Variants in FGF14 observed in about 807,000 individuals in gnomAD.
FGF14 encodes the protein fibroblast growth factor 14, also known as fibroblast growth factor homologous factor 4.
Under a neutral mutation model 25.5 loss-of-function variants are expected in FGF14, and 5 were observed. The ratio of observed to expected loss-of-function variants is 0.20; its 90% CI spans 0.10 to 0.41. FGF14 has a LOEUF of 0.41. Ranked by LOEUF, FGF14 falls within the 10% of genes least tolerant of loss-of-function variation. FGF14 has a pLI of 1.00. For missense variants in FGF14, 222 were observed against 320.1 expected, an observed-to-expected ratio of 0.69 and a Z score of 2.34; for synonymous variants, 138 against 118.3, an observed-to-expected ratio of 1.17 and a Z score of -1.08.
At position 102,058,011 on chromosome 13, in the gene FGF14, C is replaced by T. The variant is rs534038384; in HGVS notation, c.209-182715G>A. ...TTGTGTCTCAACCACCAGCTCAGAA[C>T]ATGTAATTTGCTAAGAACATGTTCA... On this transcript the variant is annotated intron_variant, in intron 1 of 4. Coordinates refer to the FGF14 transcript ENST00000376131. Among the ~76,000 whole-genome samples the T allele has an allele frequency of 2.6e-5, 4 of 152,294 alleles. No individual in the cohort carries two copies. In the South Asian group the frequency reaches 6.2e-4, roughly 24 times the overall value.
intron 1 of FGF14, among the ~76,000 whole-genome samples, chr13:102,081,658 T>C (rs762673502): frequency 5.3e-5 from 8 of 152,200 alleles, no homozygotes; most frequent in African/African-American, 1.7e-4. Context: ...GAGTTTAAGA[T>C]TGTCATTAGT....
chr13:102,293,752 G>C (rs1364262040), intron 1 of FGF14: 1 of 152,124 alleles, frequency 6.6e-6, no homozygotes, highest in African/African-American at 2.4e-5. Context: ...CTTTTGTTTT[G>C]ATTCTTGTTG....
At chr13:102,143,869 A>G (rs537371576) in intron 1 of FGF14, among the ~76,000 whole-genome samples, 1 of 152,260 alleles carries the variant, frequency 6.6e-6, no homozygotes, top group East Asian at 1.9e-4. Context: ...TCACACCTTG[A>G]GCATTTGAGT....
chr13:101,981,366 C>T (rs950768931), intron 1 of FGF14, among the ~76,000 whole-genome samples: 6 of 152,148 alleles, frequency 3.9e-5, no homozygotes, highest in African/African-American at 1.4e-4. Flanking sequence ...CATCTACGAA[C>T]CAGGAAACAG....
At chr13:102,262,993 G>A in intron 1 of FGF14, 3 of 518,344 alleles carry the variant, frequency 5.8e-6, no homozygotes, top group Non-Finnish European at 1.0e-5. Flanking sequence ...TAACATGATT[G>A]TGACCTTCAG....
intron 3 of FGF14, among the ~76,000 whole-genome samples, chr13:101,746,136 C>A (rs1267476488): frequency 6.6e-6 from 1 of 152,014 alleles, no homozygotes; most frequent in African/African-American, 2.4e-5. Context: ...TTGGACTCCT[C>A]TGAACCCAAC....
intron 3 of FGF14, among the ~76,000 whole-genome samples, chr13:101,786,487 C>T (rs1014570530): frequency 1.7e-4 from 26 of 152,096 alleles, no homozygotes; most frequent in African/African-American, 6.0e-4. Flanking sequence ...CTAAGGTCTA[C>T]GGAAGTCTAA....
intron 3 of FGF14, among the ~76,000 whole-genome samples, chr13:101,731,662 A>C (rs1341608249): frequency 2.0e-5 from 3 of 152,142 alleles, no homozygotes; most frequent in Non-Finnish European, 2.9e-5. Flanking sequence ...GGTTGGAAGG[A>C]GCTCTCCTTC....
At position 101,752,422 on chromosome 13, in the gene FGF14, C is replaced by A. The variant is rs763114882; in HGVS notation, c.409-25612G>T. 2.6e-5 allele frequency among the ~76,000 whole-genome samples: 4 copies of A among 152,154 alleles called. No homozygotes were observed. The South Asian group carries it at 8.3e-4, about 32-fold the overall frequency. On this transcript the variant is annotated intron_variant, in intron 3 of 4. Coordinates refer to ENST00000376143, the MANE Select transcript of FGF14 (RefSeq NM_004115.4). ...ATCAGTTGCATAAAATACAAAAGAACAGTAATCTACATGTATAAAATACAA... is the reference window on the plus strand; with the variant it reads ...ATCAGTTGCATAAAATACAAAAGAAAAGTAATCTACATGTATAAAATACAA...
At chr13:101,810,940 CTT>C (rs2041470802) in intron 3 of FGF14, among the ~76,000 whole-genome samples, 1 of 152,028 alleles carries the variant, frequency 6.6e-6, no homozygotes, top group Non-Finnish European at 1.5e-5. Context: ...AAAACACACA[CTT>C]AATTTTTAGA....
At chr13:101,797,232 T>C (rs967637674) in intron 3 of FGF14, among the ~76,000 whole-genome samples, 1 of 152,156 alleles carries the variant, frequency 6.6e-6, no homozygotes, top group African/African-American at 2.4e-5. Flanking sequence ...TTTATGCTTC[T>C]GGTTTTTCCT....
intron 3 of FGF14, among the ~76,000 whole-genome samples, chr13:101,792,871 G>T (rs949955257): frequency 6.6e-6 from 1 of 151,806 alleles, no homozygotes; most frequent in African/African-American, 2.4e-5. Flanking sequence ...AATTTGATTG[G>T]CTTTTTTTGT....
chr13:102,050,309 G>T (rs1157759810), intron 1 of FGF14, among the ~76,000 whole-genome samples: 2 of 152,112 alleles, frequency 1.3e-5, no homozygotes, highest in Non-Finnish European at 2.9e-5. Flanking sequence ...AAACCACCTT[G>T]GGGGATGGGG....
chr13:102,312,951 G>T (rs888245295), intron 1 of FGF14, among the ~76,000 whole-genome samples: 2 of 152,170 alleles, frequency 1.3e-5, no homozygotes, highest in African/African-American at 4.8e-5. Context: ...AAAGTCAAGT[G>T]GGGTAGAGAG....
chr13:101,774,683 C>T (rs896070484), intron 3 of FGF14, among the ~76,000 whole-genome samples: 2 of 152,094 alleles, frequency 1.3e-5, no homozygotes, highest in Non-Finnish European at 2.9e-5. Flanking sequence ...CTTTGAATTT[C>T]AAGGTCATAT....
At chr13:102,389,806 T>C (rs1468330144) in intron 1 of FGF14, among the ~76,000 whole-genome samples, 2 of 152,264 alleles carry the variant, frequency 1.3e-5, no homozygotes, top group East Asian at 3.9e-4. Flanking sequence ...TTTTGGGACA[T>C]ACAGGGAACT....
chr13:102,308,787 C>T (rs1566925298), intron 1 of FGF14, among the ~76,000 whole-genome samples: 3 of 151,964 alleles, frequency 2.0e-5, no homozygotes, highest in Non-Finnish European at 2.9e-5. Context: ...AGAGTGGTTA[C>T]AGTCAGGCAA....
intron 1 of FGF14, among the ~76,000 whole-genome samples, chr13:102,001,594 G>A (rs1410089078): frequency 2.6e-5 from 4 of 152,230 alleles, no homozygotes; most frequent in East Asian, 1.9e-4. Flanking sequence ...TAACTCTGGA[G>A]CTGGGAATAT....
At chr13:102,330,838 C>T (rs1250235232) in intron 1 of FGF14, among the ~76,000 whole-genome samples, 1 of 152,160 alleles carries the variant, frequency 6.6e-6, no homozygotes, top group Non-Finnish European at 1.5e-5. Context: ...TGTCTCCCCT[C>T]TACAAGTAGG....
Sources: allele counts gnomAD v4.1 joint callset (sites outside exome capture counted in the v4.1 genomes callset), GRCh38; gene constraint gnomAD v4.1.1; transcripts MANE v1.5; gene names NCBI Gene and HGNC (gene_info 2026-07-23, HGNC 2026-07-21).